PARD3: variants seen among roughly 807,000 people sequenced by gnomAD.
PARD3 encodes the protein partitioning defective 3 homolog.
A neutral mutation model predicts 155.4 loss-of-function variants in PARD3; 75 were observed. The observed-to-expected ratio is 0.48, with a 90% confidence interval of 0.40 to 0.58. The LOEUF (loss-of-function observed/expected upper bound fraction) is 0.58. PARD3 is among the 20% of genes least tolerant of loss of function. The probability of loss-of-function intolerance (pLI) is 0.00; values close to 1 mark genes in which losing one functional copy is unlikely to be tolerated. For missense variants in PARD3, 1,642 were observed against 1,721.7 expected (o/e 0.95, Z 0.82); for synonymous variants, 576 against 610.5 (o/e 0.94, Z 0.83).
chr10:34,676,677 A>C (rs2093713779), intron 2 of PARD3, among the ~76,000 whole-genome samples: 1 of 152,196 alleles, frequency 6.6e-6, no homozygotes, highest in Admixed American at 6.5e-5. Flanking sequence ...TAGACAAATT[A>C]GGTTTTGGCA....
chr10:34,465,157 C>A (rs993316732), intron 4 of PARD3, among the ~76,000 whole-genome samples: 6 of 152,166 alleles, frequency 3.9e-5, no homozygotes, highest in African/African-American at 1.4e-4. Flanking sequence ...AGTACAGACA[C>A]AACCATTGTT....
chr10:34,580,464 A>T (rs565321038), intron 2 of PARD3, among the ~76,000 whole-genome samples: 2 of 152,258 alleles, frequency 1.3e-5, no homozygotes, highest in East Asian at 3.9e-4. Context: ...GAGCCTAAGA[A>T]GTCCAGGTTG....
chr10:34,529,090 C>T (rs1053274886), intron 2 of PARD3, among the ~76,000 whole-genome samples: 1 of 152,172 alleles, frequency 6.6e-6, no homozygotes, highest in African/African-American at 2.4e-5. Context: ...CTATCACATG[C>T]TCTCAGCCAG....
At chr10:34,749,497 A>C (rs1245182031) in intron 1 of PARD3, among the ~76,000 whole-genome samples, 2 of 151,552 alleles carry the variant, frequency 1.3e-5, no homozygotes, top group African/African-American at 4.8e-5. Flanking sequence ...ACTATATATA[A>C]ATTATAACCA....
intron 7 of PARD3, among the ~76,000 whole-genome samples, chr10:34,392,183 A>G (rs1356644001): frequency 6.6e-6 from 1 of 152,172 alleles, no homozygotes; most frequent in African/African-American, 2.4e-5. Context: ...AATCAATTTT[A>G]AAAATAAAAA....
At chr10:34,200,753 A>G (rs546379338) in intron 22 of PARD3, among the ~76,000 whole-genome samples, 8 of 152,326 alleles carry the variant, frequency 5.3e-5, no homozygotes, top group Non-Finnish European at 1.0e-4. Context: ...GGCTCTCTCC[A>G]CTCTAGGGAT....
intron 1 of PARD3, among the ~76,000 whole-genome samples, chr10:34,752,888 G>C (rs997810355): frequency 2.0e-5 from 3 of 152,212 alleles, no homozygotes; most frequent in African/African-American, 7.2e-5. Context: ...AGTGTTTCAA[G>C]AAAGCCTATC....
At chr10:34,338,115 G>A (rs1202893241) in intron 16 of PARD3, among the ~76,000 whole-genome samples, 2 of 152,248 alleles carry the variant, frequency 1.3e-5, no homozygotes, top group African/African-American at 4.8e-5. Context: ...AACAGATGCT[G>A]AGGATGCATA....
rs1564547382 is a variant in PARD3, at chr10:34,284,230, T to C, written c.3081A>G (p.Arg1027=). 6.2e-7 allele frequency: 1 copy of C among 1,607,358 alleles called. No homozygotes were observed. Among genetic ancestry groups the C allele is most frequent in the Admixed American group, 1.7e-5 (1 of 59,132 alleles). The change falls in exon 21 of 25, where the codon CGA becomes CGG. Residue 1027 remains arginine, a synonymous_variant. Coordinates refer to ENST00000374788, the MANE Select transcript of PARD3 (RefSeq NM_001184785.2). ...LGDMFRFGKH[R]KDDKIEKTGK... ...CCGTTTTCTCAATCTTGTCATCTTTTCGATGTTTGCCAAACCTGTTAATAA... is the reference window on the plus strand; with the variant it reads ...CCGTTTTCTCAATCTTGTCATCTTTCCGATGTTTGCCAAACCTGTTAATAA...
intron 5 of PARD3, among the ~76,000 whole-genome samples, chr10:34,433,040 C>A (rs2076024707): frequency 6.6e-6 from 1 of 152,136 alleles, no homozygotes; most frequent in Non-Finnish European, 1.5e-5. Context: ...TGCACATGTA[C>A]CTTAAAGTAC....
chr10:34,261,825 G>GAAAGAAAGAAAGAAAC lies in PARD3; in HGVS notation c.3419+7831_3419+7832insGTTTCTTTCTTTCTTT, dbSNP rs1238097146. Among the ~76,000 whole-genome samples, 31 of 138,988 alleles carry GAAAGAAAGAAAGAAAC rather than the reference G, an allele frequency of 2.2e-4. No homozygotes were observed. In the East Asian group the frequency reaches 2.4e-3, roughly 11 times the overall value. The allele number at this position is 138,988 out of a possible 152,430, so 91.2% of individuals were successfully genotyped here. On this transcript the variant is annotated intron_variant, in intron 22 of 24. Transcript: ENST00000374788. ...AGAAAGAAAGAAAGAAAGAAAGAAA[G>GAAAGAAAGAAAGAAAC]AAACAAACAAACAAACAAACACACA...
intron 1 of PARD3, among the ~76,000 whole-genome samples, chr10:34,728,506 G>A (rs1179291306): frequency 6.6e-6 from 1 of 152,094 alleles, no homozygotes. Context: ...CCTAACAGAT[G>A]AATAATAAAA....
chr10:34,719,217 A>G (rs1248336801), intron 1 of PARD3, among the ~76,000 whole-genome samples: 1 of 152,226 alleles, frequency 6.6e-6, no homozygotes, highest in African/African-American at 2.4e-5. Context: ...TGTCATCATT[A>G]ATTGTGACGT....
chr10:34,327,115 T>C (rs17471491), intron 19 of PARD3, among the ~76,000 whole-genome samples: 11,250 of 152,188 alleles, frequency 0.074, 569 homozygotes, highest in Non-Finnish European at 0.1. Context: ...TTGGTAGCAA[T>C]AGAAACTGAT....
At chr10:34,457,695 G>A (rs906933722) in intron 4 of PARD3, among the ~76,000 whole-genome samples, 1 of 151,916 alleles carries the variant, frequency 6.6e-6, no homozygotes, top group Non-Finnish European at 1.5e-5. Flanking sequence ...CCACCTCCCG[G>A]GCTCAAGCGA....
chr10:34,438,398 A>G (rs2076294245), intron 5 of PARD3, among the ~76,000 whole-genome samples: 1 of 152,178 alleles, frequency 6.6e-6, no homozygotes. Context: ...AAATAGTACA[A>G]CTATTTATGA....
intron 22 of PARD3, among the ~76,000 whole-genome samples, chr10:34,241,128 G>A (rs545825713): frequency 9.4e-4 from 143 of 152,326 alleles, no homozygotes; most frequent in Non-Finnish European, 1.5e-3. Flanking sequence ...AAGCATTCAA[G>A]AGGGACCATG....
intron 1 of PARD3, among the ~76,000 whole-genome samples, chr10:34,787,879 C>G (rs1841174561): frequency 6.6e-6 from 1 of 151,420 alleles, no homozygotes; most frequent in Non-Finnish European, 1.5e-5. Flanking sequence ...CTCCTAGGCT[C>G]AAGCAATTCT....
intron 2 of PARD3, among the ~76,000 whole-genome samples, chr10:34,634,393 GA>G (rs368584217): frequency 2.6e-5 from 4 of 151,856 alleles, no homozygotes; most frequent in African/African-American, 7.3e-5. Context: ...AAGGATGCGG[GA>G]AAAAAAAGAT....
Sources: allele counts gnomAD v4.1 joint callset (sites outside exome capture counted in the v4.1 genomes callset), GRCh38; gene constraint gnomAD v4.1.1; transcripts MANE v1.5; gene names NCBI Gene and HGNC (gene_info 2026-07-23, HGNC 2026-07-21).